CRACDL: variants seen among roughly 807,000 people sequenced by gnomAD.
CRACDL encodes the protein CRACD like.
CRACDL carries 26 observed loss-of-function variants against 70.6 expected under a neutral mutation model. The observed-to-expected ratio is 0.37, with a 90% CI of 0.27 to 0.51. The LOEUF (loss-of-function observed/expected upper bound fraction) is 0.51. Ranked by LOEUF, CRACDL falls within the 20% of genes least tolerant of loss-of-function variation. The pLI is 0.94. For missense variants in CRACDL, 1,283 were observed against 1,376.9 expected (o/e 0.93, Z 1.08); for synonymous variants, 618 against 615.2 (o/e 1.00, Z -0.07).
At position 98,875,899 on chromosome 2, in the gene CRACDL, G is replaced by A. The variant is rs148367766; in HGVS notation, c.-10-29089C>T. Among the ~76,000 whole-genome samples, 118 of 152,356 alleles carry A rather than the reference G, an allele frequency of 7.7e-4. 1 individual carries two copies. Among genetic ancestry groups the A allele is most frequent in the African/African-American group, 2.7e-3 (113 of 41,582 alleles). ...TGACATAGAGGCCACAGATGCCAAC[G>A]ATTTGCCCCGGTGGGGCTGCAGAAC... On this transcript the variant is annotated intron_variant, in intron 1 of 9. Coordinates refer to ENST00000397899, the MANE Select transcript of CRACDL (RefSeq NM_207362.3).
At chr2:98,874,031 G>T (rs888878371) in intron 1 of CRACDL, among the ~76,000 whole-genome samples, 1 of 152,168 alleles carries the variant, frequency 6.6e-6, no homozygotes, top group African/African-American at 2.4e-5. Flanking sequence ...AAATAATTCC[G>T]CAAGACAAGT....
intron 1 of CRACDL, among the ~76,000 whole-genome samples, chr2:98,898,443 G>T (rs966236293): frequency 6.6e-6 from 1 of 152,232 alleles, no homozygotes; most frequent in Admixed American, 6.5e-5. Context: ...AAAACGGAGG[G>T]CCAGGGTGAC....
intron 1 of CRACDL, among the ~76,000 whole-genome samples, chr2:98,876,239 C>T (rs968113521): frequency 6.6e-6 from 1 of 152,160 alleles, no homozygotes; most frequent in African/African-American, 2.4e-5. Flanking sequence ...CTTTACAGAT[C>T]TAAAATCACC....
At chr2:98,799,371 A>G (rs1243771651) in intron 7 of CRACDL, among the ~76,000 whole-genome samples, 1 of 152,136 alleles carries the variant, frequency 6.6e-6, no homozygotes, top group East Asian at 1.9e-4. Context: ...TTTGCAAGCT[A>G]CAGTCTCTTG....
At chr2:98,870,048 G>A (rs1707289527) in intron 1 of CRACDL, among the ~76,000 whole-genome samples, 1 of 152,136 alleles carries the variant, frequency 6.6e-6, no homozygotes, top group African/African-American at 2.4e-5. Flanking sequence ...TGCCCTGGTG[G>A]CTCCTATCTG....
At position 98,870,917 on chromosome 2, in the gene CRACDL, A is replaced by C. The variant is rs72960709; in HGVS notation, c.-10-24107T>G. On this transcript the variant is annotated intron_variant, in intron 1 of 9. Coordinates refer to ENST00000397899, the MANE Select transcript of CRACDL (RefSeq NM_207362.3). Reference sequence around the variant, plus strand: ...CAATGCCCGAACAAGACATCACTCCACACTGAGACAAAGTCCCCGAAGGGA... The same window carrying C: ...CAATGCCCGAACAAGACATCACTCCCCACTGAGACAAAGTCCCCGAAGGGA... Among the ~76,000 whole-genome samples, 1,078 of 152,304 alleles carry C rather than the reference A, an allele frequency of 7.1e-3. 12 individuals carry two copies. The highest frequency in any genetic ancestry group is 0.025 in the African/African-American group (1,023 of 41,558).
At chr2:98,929,152 A>G (rs972728329) in intron 1 of CRACDL, among the ~76,000 whole-genome samples, 1 of 152,206 alleles carries the variant, frequency 6.6e-6, no homozygotes, top group Non-Finnish European at 1.5e-5. Context: ...GTCAATAATT[A>G]AGGTATTAAA....
chr2:98,879,890 C>G (rs72813013), intron 1 of CRACDL, among the ~76,000 whole-genome samples: 5,496 of 152,292 alleles, frequency 0.036, 132 homozygotes, highest in Middle Eastern at 0.065. Context: ...AGCGAAGCCT[C>G]AATTTTCTTC....
chr2:98,874,593 G>A (rs1174744462), intron 1 of CRACDL, among the ~76,000 whole-genome samples: 1 of 152,214 alleles, frequency 6.6e-6, no homozygotes, highest in African/African-American at 2.4e-5. Flanking sequence ...GGACCTGTGT[G>A]GTGACCTCCT....
chr2:98,886,950 A>G (rs1707813411), intron 1 of CRACDL, among the ~76,000 whole-genome samples: 1 of 152,242 alleles, frequency 6.6e-6, no homozygotes, highest in Non-Finnish European at 1.5e-5. Flanking sequence ...ATATTTTCAA[A>G]GAATCAAGAA....
rs780235837 is a variant in CRACDL at position 98,822,299 on chromosome 2, G to A, written c.1974C>T (p.Ala658=). 77 of 1,527,252 alleles carry A rather than the reference G, an allele frequency of 5.0e-5. 1 individual carries two copies. Among genetic ancestry groups the A allele is most frequent in the Non-Finnish European group, 2.6e-5 (30 of 1,147,484 alleles). The allele number at this position is 1,527,252 out of a possible 1,614,324, so 94.6% of individuals were successfully genotyped here. A position where few individuals can be genotyped will look rare whatever the true frequency, so the allele number is the denominator to read the frequency against. The change falls in exon 7 of 10, where the codon GCC becomes GCT. Residue 658 remains alanine, a synonymous_variant. Transcript: ENST00000397899. The surrounding 1 kb of genome is among the most constrained non-coding windows in gnomAD (Gnocchi z 4.9). The stretch of plus-strand genomic sequence containing the variant: ...AGGGCTCTCTCGTGCCGGGCGCGGC[G>A]GCCGCCTCCTGAGGGCTCTTGCGCG... ...AGPRKSPQEA[A]AAPGTREPCP... is the part of the protein sequence containing the mutation.
chr2:98,919,991 C>T (rs918949306), intron 1 of CRACDL, among the ~76,000 whole-genome samples: 7 of 152,144 alleles, frequency 4.6e-5, no homozygotes, highest in African/African-American at 1.2e-4. Flanking sequence ...TGGCCTCAAG[C>T]GATCCTCCTG....
chr2:98,802,656 G>GT (rs1704125661), intron 7 of CRACDL, among the ~76,000 whole-genome samples: 1 of 152,180 alleles, frequency 6.6e-6, no homozygotes, highest in Admixed American at 6.5e-5. Flanking sequence ...TTAAGGTATT[G>GT]TTTTTTTCTT....
chr2:98,896,453 A>C (rs1573163759), intron 1 of CRACDL, among the ~76,000 whole-genome samples: 1 of 152,136 alleles, frequency 6.6e-6, no homozygotes, highest in African/African-American at 2.4e-5. Flanking sequence ...AGAGTGGCCC[A>C]AAAAAAATCC....
Position 98,797,521 on chromosome 2 carries a change from A to G in CRACDL, c.2433T>C (p.Pro811=). ...CATCAGCTCCAGGCCCTGTTGCTGC[A>G]GGCGGCAGACTCTTTTCTGTTGGGT... ...LRRGAEKSLP[P]AATGPGADGQ... is the part of the protein sequence containing the mutation. The change falls in exon 8 of 10, where the codon CCT becomes CCC. Residue 811 remains proline (P), a synonymous_variant. Transcript: ENST00000397899. 1.2e-6 allele frequency: 2 copies of G among 1,613,946 alleles called. No homozygotes were observed. Among genetic ancestry groups the G allele is most frequent in the Non-Finnish European group, 1.7e-6 (2 of 1,180,024 alleles).
intron 7 of CRACDL, among the ~76,000 whole-genome samples, chr2:98,800,193 C>T (rs559604116): frequency 2.0e-5 from 3 of 152,202 alleles, no homozygotes; most frequent in African/African-American, 7.2e-5. Context: ...GTTGGGGAGA[C>T]GAGACACAAA....
At position 98,822,677 on chromosome 2, in the gene CRACDL, T is replaced by C; in HGVS notation, c.1596A>G (p.Ala532=). 7.9e-7 allele frequency: 1 copy of C among 1,272,780 alleles called. No homozygotes were observed. Among genetic ancestry groups the C allele is most frequent in the South Asian group, 2.7e-5 (1 of 37,012 alleles). The allele number at this position is 1,272,780 out of a possible 1,614,324, so 78.8% of individuals were successfully genotyped here. The change falls in exon 7 of 10, where the codon GCA becomes GCG. Residue 532 remains alanine, a synonymous_variant. Transcript: ENST00000397899. The surrounding 1 kb of genome is among the most constrained non-coding windows in gnomAD (Gnocchi z 4.9). ...TGGGGCGCTCCGGGGCGGCGGCCTCTGCGTCGAGGGAACCGGGGCCGGGCT... is the reference window on the plus strand; with the variant it reads ...TGGGGCGCTCCGGGGCGGCGGCCTCCGCGTCGAGGGAACCGGGGCCGGGCT... ...PVEPGPGSLD[A]EAAAPERPKA... is the part of the protein sequence containing the mutation.
At chr2:98,832,817 A>G in intron 4 of CRACDL, 45 bp downstream of exon 4, 1 of 1,609,286 alleles carries the variant, frequency 6.2e-7, no homozygotes, top group South Asian at 1.1e-5. Context: ...TTCTTGATGG[A>G]TATTTGACTT....
intron 2 of CRACDL, 117 bp from the exon 3 acceptor site, chr2:98,838,404 T>C (rs1705887481): frequency 1.7e-6 from 1 of 581,546 alleles, no homozygotes; most frequent in East Asian, 3.0e-5. Flanking sequence ...GCATCAGTTA[T>C]CTGCTTCTGA....
Sources: allele counts gnomAD v4.1 joint callset (sites outside exome capture counted in the v4.1 genomes callset), GRCh38; gene constraint gnomAD v4.1.1; non-coding constraint Gnocchi (gnomAD v3.1); transcripts MANE v1.5; gene names NCBI Gene and HGNC (gene_info 2026-07-23, HGNC 2026-07-21).